MAPKAP1: variants seen among roughly 807,000 people sequenced by gnomAD.
MAPKAP1 encodes the protein MAPK associated protein 1.
In MAPKAP1, 20 loss-of-function variants were observed where a neutral mutation model predicts 65.7. That is an observed-to-expected ratio of 0.30 (90% CI 0.21 to 0.44). MAPKAP1 has a LOEUF of 0.44. Ranked by LOEUF, MAPKAP1 falls within the 20% of genes least tolerant of loss-of-function variation. The pLI is 1.00. For missense variants in MAPKAP1, 423 were observed against 648.0 expected (o/e 0.65, Z 3.77); for synonymous variants, 222 against 244.3 (o/e 0.91, Z 0.85).
intron 4 of MAPKAP1, among the ~76,000 whole-genome samples, chr9:125,645,060 C>G (rs1482899464): frequency 6.6e-6 from 1 of 152,102 alleles, no homozygotes; most frequent in Non-Finnish European, 1.5e-5. Flanking sequence ...CAAATTCATT[C>G]TGGGTCCTTT....
At chr9:125,614,407 T>C (rs1215163579) in intron 4 of MAPKAP1, among the ~76,000 whole-genome samples, 2 of 152,132 alleles carry the variant, frequency 1.3e-5, no homozygotes, top group African/African-American at 4.8e-5. Flanking sequence ...GCAGATCACC[T>C]GAGGTCAGGA....
intron 7 of MAPKAP1, among the ~76,000 whole-genome samples, chr9:125,539,168 G>C (rs536863651): frequency 2.0e-4 from 30 of 152,312 alleles, no homozygotes; most frequent in African/African-American, 4.1e-4. Context: ...TTTCTTTCAA[G>C]TTCTACGTGA....
chr9:125,571,215 T>C (rs1326769291), intron 5 of MAPKAP1, among the ~76,000 whole-genome samples: 1 of 152,218 alleles, frequency 6.6e-6, no homozygotes, highest in Non-Finnish European at 1.5e-5. Context: ...ATGTAATTAA[T>C]CATTATAATT....
rs1835490415 is a variant in MAPKAP1, at chr9:125,698,330, TATATATAA to T, written c.-70+8633_-70+8640del. ...ATATATATATATATATATATATATA[TATATATAA>T]AATATATATATTTTTTGAGATGGAG... On this transcript the variant is annotated intron_variant, in intron 1 of 11. Transcript: ENST00000265960. Among the ~76,000 whole-genome samples the T allele has an allele frequency of 1.2e-4, 12 of 101,118 alleles. No homozygotes were observed. The South Asian group carries it at 3.0e-3, about 25-fold the overall frequency. The allele number at this position is 101,118 out of a possible 152,430, so 66.3% of individuals were successfully genotyped here. A position where few individuals can be genotyped will look rare whatever the true frequency, so the allele number is the denominator to read the frequency against.
At chr9:125,545,032 T>C (rs1465325299) in intron 6 of MAPKAP1, among the ~76,000 whole-genome samples, 1 of 152,262 alleles carries the variant, frequency 6.6e-6, no homozygotes, top group African/African-American at 2.4e-5. Flanking sequence ...GATGCTGGTC[T>C]GGCCAGCACC....
Position 125,657,730 on chromosome 9 carries a change from G to A in MAPKAP1, c.419C>T (p.Ser140Leu). Reference sequence around the variant, plus strand: ...CTGTTCTAGGCGTACAGATAATATCGACTGCTTCCCAGAAATTGGAGGCTT... The same window carrying A: ...CTGTTCTAGGCGTACAGATAATATCAACTGCTTCCCAGAAATTGGAGGCTT... ...KEKPPISGKQ[S>L]ILSVRLEQCP... Residue 140 changes from serine to leucine, a missense_variant, in exon 4 of 12, where the codon TCG becomes TTG. Ser to Leu is a moderately radical substitution (Grantham distance 145). This residue lies in a region of MAPKAP1 where 67 missense variants were observed against 69.6 expected (regional missense o/e 0.96). Coordinates refer to ENST00000265960, the MANE Select transcript of MAPKAP1 (RefSeq NM_001006617.3). The A allele has an allele frequency of 6.2e-7, 1 of 1,613,828 alleles. No individual in the cohort carries two copies.
chr9:125,447,197 T>A lies in MAPKAP1; in HGVS notation c.1346-2599A>T. The A allele has an allele frequency of 3.4e-6, 1 of 291,478 alleles. No individual in the cohort carries two copies. The highest frequency in any genetic ancestry group is 6.9e-6 in the Non-Finnish European group (1 of 144,338). The allele number at this position is 291,478 out of a possible 1,614,324, so 18.1% of individuals were successfully genotyped here. A position where few individuals can be genotyped will look rare whatever the true frequency, so the allele number is the denominator to read the frequency against. Reference sequence around the variant, plus strand: ...GGAGGCTGTGTGTGTCTCCTGCCTATCCCCAGGGCTCATTCCAGCACCCAT... The same window carrying A: ...GGAGGCTGTGTGTGTCTCCTGCCTAACCCCAGGGCTCATTCCAGCACCCAT... On this transcript the variant is annotated intron_variant, in intron 10 of 11. Transcript: ENST00000265960. This position sits in a 1 kb window ranked among gnomAD's most constrained non-coding sequence, Gnocchi z 4.5.
At chr9:125,610,164 T>C (rs973590761) in intron 4 of MAPKAP1, among the ~76,000 whole-genome samples, 1 of 152,076 alleles carries the variant, frequency 6.6e-6, no homozygotes, top group South Asian at 2.1e-4. Context: ...TAAAGAGCCA[T>C]GATATGTGTA....
intron 5 of MAPKAP1, among the ~76,000 whole-genome samples, chr9:125,578,817 G>A (rs1831529476): frequency 6.6e-6 from 1 of 152,134 alleles, no homozygotes; most frequent in Non-Finnish European, 1.5e-5. Flanking sequence ...ATCATCCATA[G>A]ACCAAATAGT....
In MAPKAP1 at chr9:125,606,256, G is replaced by C. The variant is rs137941964; in HGVS notation, c.499-20529C>G. On this transcript the variant is annotated intron_variant, in intron 4 of 11. Coordinates refer to ENST00000265960, the MANE Select transcript of MAPKAP1 (RefSeq NM_001006617.3). ...AGGCGGGGGGAAGAAAGAAGGAAAA[G>C]AAAAGGGTTAAAGAAAAAGGAAAAG... Among the ~76,000 whole-genome samples the C allele has an allele frequency of 3.0e-3, 464 of 152,182 alleles. 2 individuals carry two copies. The highest frequency in any genetic ancestry group is 4.4e-3 in the African/African-American group (182 of 41,528).
At chr9:125,622,216 G>A (rs549336145) in intron 4 of MAPKAP1, among the ~76,000 whole-genome samples, 82 of 152,196 alleles carry the variant, frequency 5.4e-4, no homozygotes, top group Non-Finnish European at 9.9e-4. Flanking sequence ...GTGTTCTGCA[G>A]CACTGTAGGG....
intron 3 of MAPKAP1, among the ~76,000 whole-genome samples, chr9:125,669,349 A>G (rs891659302): frequency 6.6e-6 from 1 of 150,884 alleles, no homozygotes; most frequent in Admixed American, 6.6e-5. Flanking sequence ...GTGTGGTGGC[A>G]TGCGCCTGTA....
intron 9 of MAPKAP1, among the ~76,000 whole-genome samples, chr9:125,483,513 G>A (rs907890825): frequency 1.3e-5 from 2 of 152,214 alleles, no homozygotes; most frequent in Non-Finnish European, 2.9e-5. Context: ...TGAACCCTAA[G>A]AGTTAAAAGG....
intron 4 of MAPKAP1, among the ~76,000 whole-genome samples, chr9:125,618,227 A>G (rs999853035): frequency 5.3e-5 from 8 of 151,928 alleles, no homozygotes; most frequent in East Asian, 3.9e-4. Context: ...CTGTAGTCCC[A>G]GCTACTAGAG....
chr9:125,546,037 AC>A (rs1346735259), intron 6 of MAPKAP1, among the ~76,000 whole-genome samples: 4 of 152,198 alleles, frequency 2.6e-5, no homozygotes, highest in African/African-American at 9.6e-5. Context: ...TAAGTGAACC[AC>A]CCGTGAATGT....
chr9:125,706,920 G>A (rs1461909859), intron 1 of MAPKAP1, 51 bp downstream of exon 1: 4 of 389,540 alleles, frequency 1.0e-5, no homozygotes, highest in Admixed American at 4.5e-5. Flanking sequence ...AGGTGGGCAA[G>A]CTGGTGGGCT....
At chr9:125,611,765 T>A (rs903322901) in intron 4 of MAPKAP1, among the ~76,000 whole-genome samples, 14 of 152,144 alleles carry the variant, frequency 9.2e-5, no homozygotes, top group African/African-American at 3.4e-4. Flanking sequence ...AAAATAGCAA[T>A]TCTGAAATTG....
At chr9:125,704,526 C>T (rs944455673) in intron 1 of MAPKAP1, among the ~76,000 whole-genome samples, 1 of 152,186 alleles carries the variant, frequency 6.6e-6, no homozygotes, top group Non-Finnish European at 1.5e-5. Flanking sequence ...GATAGGGACC[C>T]AATTTTACTT....
intron 5 of MAPKAP1, among the ~76,000 whole-genome samples, chr9:125,565,112 C>A (rs987683444): frequency 2.8e-4 from 42 of 152,148 alleles, no homozygotes; most frequent in African/African-American, 9.9e-4. Context: ...TAAATCATAT[C>A]TCCAAATCTT....
Sources: gnomAD v4.1 joint callset for allele counts (sites outside exome capture counted in the v4.1 genomes callset) on GRCh38, gnomAD v4.1.1 for gene constraint, gnomAD v4.1.1 regional missense constraint, Gnocchi (gnomAD v3.1) non-coding constraint, MANE v1.5 for transcripts, NCBI Gene and HGNC (gene_info 2026-07-23, HGNC 2026-07-21) for gene names.